Variants in DOP1B observed in about 807,000 individuals in gnomAD.
DOP1B encodes the protein DOP1 leucine zipper like protein B, also known as protein DOP1B.
DOP1B carries 174 observed loss-of-function variants against 233.5 expected under a neutral mutation model. That is an observed-to-expected ratio of 0.75 (90% CI 0.66 to 0.85). The LOEUF is 0.85. Ranked by LOEUF, DOP1B falls within the 40% of genes least tolerant of loss-of-function variation. The pLI, the probability that DOP1B is intolerant of heterozygous loss-of-function variation, is 0.00. For synonymous variants in DOP1B, 1,190 were observed against 1,185.6 expected (o/e 1.00, Z -0.08); for missense variants, 2,652 against 2,846.6 (o/e 0.93, Z 1.56).
chr21:36,175,466 C>G (rs2066012495), intron 2 of DOP1B, among the ~76,000 whole-genome samples: 2 of 152,126 alleles, frequency 1.3e-5, no homozygotes, highest in Non-Finnish European at 2.9e-5. Context: ...CTCACCCTAA[C>G]TGCTTCATTC....
chr21:36,207,490 GTTTTTTTTGTTTT>G (rs2066441490), intron 4 of DOP1B, among the ~76,000 whole-genome samples: 1 of 120,958 alleles, frequency 8.3e-6, no homozygotes, highest in African/African-American at 3.7e-5. Context: ...CAGCCAAACA[GTTTTTTTTGTTTT>G]TTTTTTTTTT....
At chr21:36,157,213 G>C (rs1304109053) in intron 1 of DOP1B, among the ~76,000 whole-genome samples, 2 of 152,068 alleles carry the variant, frequency 1.3e-5, no homozygotes, top group South Asian at 2.1e-4. Context: ...AGGGTTACCC[G>C]ACCCTGGCGC....
intron 9 of DOP1B, among the ~76,000 whole-genome samples, chr21:36,218,027 A>G (rs923108467): frequency 2.0e-5 from 3 of 152,020 alleles, no homozygotes; most frequent in Non-Finnish European, 2.9e-5. Context: ...ACTCTTTCCA[A>G]TTTTTTAGCT....
At chr21:36,198,012 T>C (rs1174062037) in intron 2 of DOP1B, among the ~76,000 whole-genome samples, 2 of 129,414 alleles carry the variant, frequency 1.5e-5, no homozygotes, top group Admixed American at 8.5e-5. Flanking sequence ...AGAGCAAGAC[T>C]CCGTCTCAAA....
chr21:36,228,683 G>A (rs1021833136), intron 13 of DOP1B, among the ~76,000 whole-genome samples: 6 of 151,846 alleles, frequency 4.0e-5, no homozygotes, highest in East Asian at 3.9e-4. Context: ...GGAGAACAGC[G>A]TGAACCCAGG....
At chr21:36,250,335 CT>C (rs2067017962) in intron 21 of DOP1B, among the ~76,000 whole-genome samples, 1 of 152,204 alleles carries the variant, frequency 6.6e-6, no homozygotes, top group African/African-American at 2.4e-5. Flanking sequence ...GGCTCTCTTG[CT>C]TTACCGGTGG....
chr21:36,201,623 C>T (rs1037786221), intron 4 of DOP1B, among the ~76,000 whole-genome samples: 1 of 151,708 alleles, frequency 6.6e-6, no homozygotes, highest in Non-Finnish European at 1.5e-5. Flanking sequence ...GCTGGGATTA[C>T]AGGCGTGAGC....
intron 4 of DOP1B, among the ~76,000 whole-genome samples, chr21:36,201,923 A>G (rs1171000635): frequency 6.6e-6 from 1 of 151,938 alleles, no homozygotes; most frequent in Non-Finnish European, 1.5e-5. Flanking sequence ...GGTGGCTCAC[A>G]CCTGTAATCC....
Position 36,288,153 on chromosome 21 carries a change from GAGTACA to G in DOP1B, c.6297+8_6297+13del. 6.2e-7 allele frequency: 1 copy of G among 1,612,448 alleles called. No individual in the cohort carries two copies. The highest frequency in any genetic ancestry group is 8.5e-7 in the Non-Finnish European group (1 of 1,179,608). On this transcript the variant is annotated splice_donor_5th_base_variant and intron_variant, in intron 33 of 36. Transcript: ENST00000691173. ...GGCCAATAATGGTCTCTGAATTGGT[GAGTACA>G]AGTATTGTAAGTTTGAAAGCAAGGT...
intron 10 of DOP1B, among the ~76,000 whole-genome samples, chr21:36,221,807 A>T (rs2066626130): frequency 6.6e-6 from 1 of 151,950 alleles, no homozygotes; most frequent in Non-Finnish European, 1.5e-5. Context: ...CGAATTCCTG[A>T]CCTCGTGATC....
chr21:36,199,958 G>C (rs1469145389), intron 3 of DOP1B, among the ~76,000 whole-genome samples: 1 of 152,072 alleles, frequency 6.6e-6, no homozygotes, highest in African/African-American at 2.4e-5. Context: ...ACCCAGTAAC[G>C]GGATGGCTGG....
chr21:36,227,524 G>A (rs909733143), intron 12 of DOP1B, among the ~76,000 whole-genome samples, 162 bp from the exon 13 acceptor site: 21 of 150,192 alleles, frequency 1.4e-4, no homozygotes, highest in Admixed American at 5.4e-4. Flanking sequence ...TCCAGCCTGG[G>A]CTACAGAGCA....
intron 27 of DOP1B, among the ~76,000 whole-genome samples, chr21:36,275,565 G>A (rs1240104464): frequency 6.6e-6 from 1 of 150,394 alleles, no homozygotes; most frequent in Non-Finnish European, 1.5e-5. Context: ...GCTGCAGTGA[G>A]CCAAGATTGC....
At chr21:36,218,855 T>A (rs1213249254) in intron 9 of DOP1B, among the ~76,000 whole-genome samples, 1 of 152,194 alleles carries the variant, frequency 6.6e-6, no homozygotes, top group Non-Finnish European at 1.5e-5. Flanking sequence ...TTTCTCAGCG[T>A]TTCAGGATAG....
At chr21:36,191,612 C>T (rs756800803) in intron 2 of DOP1B, among the ~76,000 whole-genome samples, 9 of 152,158 alleles carry the variant, frequency 5.9e-5, no homozygotes, top group Admixed American at 1.3e-4. Flanking sequence ...ATAGTGAAAC[C>T]TCGTCTCTAC....
chr21:36,241,702 T>G (rs1014588514), intron 18 of DOP1B, among the ~76,000 whole-genome samples: 2 of 143,842 alleles, frequency 1.4e-5, no homozygotes, highest in African/African-American at 5.1e-5. Context: ...TCTTTTTTTT[T>G]TTTTTTTTTT....
intron 35 of DOP1B, among the ~76,000 whole-genome samples, chr21:36,290,608 T>C (rs1279967471): frequency 6.6e-6 from 1 of 152,028 alleles, no homozygotes; most frequent in Non-Finnish European, 1.5e-5. Flanking sequence ...CTGACCAACA[T>C]GGAGAAAATC....
In DOP1B at chr21:36,290,116, T is replaced by A. The variant is rs1302133791; in HGVS notation, c.6515+910T>A. ...AAATGTACCACTCTGGTGCAGGATG[T>A]TGATAATACGGCAGGCTTGTATGTA... On this transcript the variant is annotated intron_variant, in intron 35 of 36. Transcript: ENST00000691173. Among the ~76,000 whole-genome samples the A allele has an allele frequency of 3.9e-5, 6 of 152,312 alleles. No homozygotes were observed. In the East Asian group the frequency reaches 1.2e-3, roughly 29 times the overall value.
intron 2 of DOP1B, among the ~76,000 whole-genome samples, chr21:36,192,342 G>A (rs1237055735): frequency 6.6e-6 from 1 of 150,520 alleles, no homozygotes; most frequent in Admixed American, 6.6e-5. Context: ...GTGGGTGACA[G>A]GGCAAGACAC....
Sources: allele counts gnomAD v4.1 joint callset (sites outside exome capture counted in the v4.1 genomes callset), GRCh38; gene constraint gnomAD v4.1.1; transcripts MANE v1.5; gene names NCBI Gene and HGNC (gene_info 2026-07-23, HGNC 2026-07-21).